The following HMGCS1 variants were observed in gnomAD, a reference collection of about 807,000 sequenced individuals.
HMGCS1 encodes the protein hydroxymethylglutaryl-CoA synthase, cytoplasmic.
HMGCS1 carries 9 observed loss-of-function variants against 52.3 expected under a neutral mutation model. The observed-to-expected ratio is 0.17, with a 90% confidence interval of 0.10 to 0.30. HMGCS1 has a LOEUF of 0.30. Ranked by LOEUF, HMGCS1 falls within the 10% of genes least tolerant of loss-of-function variation. HMGCS1 has a pLI of 1.00. For synonymous variants in HMGCS1, 176 were observed against 214.4 expected, an observed-to-expected ratio of 0.82 and a Z score of 1.57; for missense variants, 320 against 620.9, an observed-to-expected ratio of 0.52 and a Z score of 5.15.
At position 43,287,922 on chromosome 5, in the gene HMGCS1, G is replaced by C. The variant is rs972821531; in HGVS notation, c.*3209C>G. 1 of 152,266 alleles carries C rather than the reference G, an allele frequency of 6.6e-6. No individual in the cohort carries two copies. The highest frequency in any genetic ancestry group is 2.4e-5 in the African/African-American group (1 of 41,448). The allele number at this position is 152,266 out of a possible 1,614,324, so 9.4% of individuals were successfully genotyped here. A position where few individuals can be genotyped will look rare whatever the true frequency, so the allele number is the denominator to read the frequency against. On this transcript the variant is annotated 3_prime_UTR_variant, in exon 11 of 11. Transcript: ENST00000325110. ...CAGGGCAGAGAAGATCTGAAGTGGG[G>C]CCCAACATTTCTGATGCGTAGATCA...
chr5:43,307,102 ACT>A, intron 2 of HMGCS1, among the ~76,000 whole-genome samples: 1 of 123,870 alleles, frequency 8.1e-6, no homozygotes, highest in East Asian at 2.2e-4. Context: ...ACAGAGTCCC[ACT>A]CTGTTGCCCA....
Position 43,294,845 on chromosome 5 carries a change from C to G in HMGCS1, c.922G>C (p.Asp308His). 6.2e-7 allele frequency: 1 copy of G among 1,604,246 alleles called. No individual in the cohort carries two copies. Among genetic ancestry groups the G allele is most frequent in the South Asian group, 1.1e-5 (1 of 89,900 alleles). ...TCCACATCTCTATCAAAGTAGGTGTCTTCTAATTTAACATCCCTGAAAGAT... is the reference window on the plus strand; with the variant it reads ...TCCACATCTCTATCAAAGTAGGTGTGTTCTAATTTAACATCCCTGAAAGAT... ...LEAFGDVKLEDTYFDRDVEKA... is the reference protein window; with the variant it reads ...LEAFGDVKLEHTYFDRDVEKA... The change falls in exon 7 of 11, where the codon GAC (aspartate) becomes CAC (histidine). Residue 308 changes from aspartate (D) to histidine (H), a missense_variant. Transcript: ENST00000325110.
intron 1 of HMGCS1, among the ~76,000 whole-genome samples, chr5:43,308,557 C>T (rs895633487): frequency 1.3e-5 from 2 of 152,268 alleles, no homozygotes; most frequent in African/African-American, 4.8e-5. Flanking sequence ...AAAAATTAAG[C>T]ATTTAGACAA....
At chr5:43,294,512 G>A in intron 7 of HMGCS1, 179 bp downstream of exon 7, 1 of 510,352 alleles carries the variant, frequency 2.0e-6, no homozygotes, top group Non-Finnish European at 3.4e-6. Flanking sequence ...AAATACTTCT[G>A]GAAGAACTGT....
rs767139292 is a variant in HMGCS1, at chr5:43,291,126, G to A, written c.*5C>T. The A allele has an allele frequency of 7.6e-7, 1 of 1,315,066 alleles. No homozygotes were observed. Among genetic ancestry groups the A allele is most frequent in the South Asian group, 1.2e-5 (1 of 85,816 alleles). 81.5% of individuals were successfully genotyped at this position (1,315,066 alleles called of 1,614,324 possible). On this transcript the variant is annotated 3_prime_UTR_variant, in exon 11 of 11. Coordinates refer to ENST00000325110, the MANE Select transcript of HMGCS1 (RefSeq NM_001098272.3). ...ACCCTGAAGTCTTGCACCTCACAGA[G>A]TATCTTAATGTTCCCCATTACTAAT...
At chr5:43,304,014 AT>A (rs1245852388) in intron 2 of HMGCS1, among the ~76,000 whole-genome samples, 2 of 152,196 alleles carry the variant, frequency 1.3e-5, no homozygotes, top group Non-Finnish European at 2.9e-5. Context: ...CTCCCCATCA[AT>A]TTTTTGATAA....
Position 43,297,989 on chromosome 5 carries a change from A to C in HMGCS1, c.574+20T>G. The C allele has an allele frequency of 6.2e-7, 1 of 1,605,320 alleles. No individual in the cohort carries two copies. The highest frequency in any genetic ancestry group is 8.5e-7 in the Non-Finnish European group (1 of 1,177,652). ...GCATATTGTGCTAAAAAAAACAAAA[A>C]TGCTTTCCCAAGCACTTACCTCGTT... is the stretch of plus-strand genomic sequence containing the variant. On this transcript the variant is annotated intron_variant, in intron 4 of 10. Transcript: ENST00000325110.
chr5:43,307,308 G>A (rs1754627442), intron 2 of HMGCS1, among the ~76,000 whole-genome samples: 1 of 151,912 alleles, frequency 6.6e-6, no homozygotes, highest in South Asian at 2.1e-4. Context: ...CCTGACCTCA[G>A]GTGATCCACC....
chr5:43,294,418 C>T (rs1288679865), intron 7 of HMGCS1: 1 of 516,688 alleles, frequency 1.9e-6, no homozygotes, highest in Non-Finnish European at 3.4e-6. Flanking sequence ...GTTACTTCAT[C>T]AACCAGGTAT....
chr5:43,299,445 C>T (rs922739098), intron 2 of HMGCS1, among the ~76,000 whole-genome samples: 3 of 151,218 alleles, frequency 2.0e-5, no homozygotes, highest in Middle Eastern at 3.2e-3. Flanking sequence ...GTCAGGAGAT[C>T]GAGACCATCC....
At chr5:43,292,381 C>CTAACTATGAA in intron 10 of HMGCS1, 93 bp downstream of exon 10, 1 of 896,464 alleles carries the variant, frequency 1.1e-6, no homozygotes, top group Non-Finnish European at 1.7e-6. Context: ...TCCCAGAGCC[C>CTAACTATGAA]TTACTCTTCT....
chr5:43,308,720 C>A (rs1391646060), intron 1 of HMGCS1, among the ~76,000 whole-genome samples: 1 of 152,190 alleles, frequency 6.6e-6, no homozygotes, highest in Non-Finnish European at 1.5e-5. Flanking sequence ...CCTCTGCTCT[C>A]TATTTAATTA....
rs1338232381 is a variant in HMGCS1, at chr5:43,290,502, A to G, written c.*629T>C. The G allele has an allele frequency of 6.6e-6, 1 of 152,234 alleles. No individual in the cohort carries two copies. Among genetic ancestry groups the G allele is most frequent in the Non-Finnish European group, 1.5e-5 (1 of 68,060 alleles). 9.4% of individuals were successfully genotyped at this position (152,234 alleles called of 1,614,324 possible). On this transcript the variant is annotated 3_prime_UTR_variant, in exon 11 of 11. Coordinates refer to ENST00000325110, the MANE Select transcript of HMGCS1 (RefSeq NM_001098272.3). ...ATAACTTTTGTCACTGCTGGCCTGG[A>G]CTTAACATTCCAGATTCCAGAGCCA...
rs753689858 is a variant in HMGCS1 at position 43,288,036 on chromosome 5, G to A, written c.*3095C>T. 2 of 152,182 alleles carry A rather than the reference G, an allele frequency of 1.3e-5. No individual in the cohort carries two copies. Among genetic ancestry groups the A allele is most frequent in the Non-Finnish European group, 2.9e-5 (2 of 68,060 alleles). The allele number at this position is 152,182 out of a possible 1,614,324, so 9.4% of individuals were successfully genotyped here. On this transcript the variant is annotated 3_prime_UTR_variant, in exon 11 of 11. Coordinates refer to ENST00000325110, the MANE Select transcript of HMGCS1 (RefSeq NM_001098272.3). ...AGACATACTAAGCCTTGGTGAGTATGGTACTGAGTTGAAGCAGGAAGAGAT... is the reference window on the plus strand; with the variant it reads ...AGACATACTAAGCCTTGGTGAGTATAGTACTGAGTTGAAGCAGGAAGAGAT...
rs578194878 is a variant in HMGCS1, at chr5:43,294,179, A to C, written c.1077-17T>G. 4.2e-5 allele frequency: 62 copies of C among 1,486,230 alleles called. 2 individuals are homozygous for C. In the Admixed American group the frequency reaches 1.0e-3, roughly 24 times the overall value. 92.1% of individuals were successfully genotyped at this position (1,486,230 alleles called of 1,614,324 possible). ...GGTGAGTACCTATGTAGGGTGTAAC[A>C]ATAGTTCAGAAGTTTAACTGATCCA... On this transcript the variant is annotated splice_polypyrimidine_tract_variant and intron_variant, in intron 7 of 10. Coordinates refer to ENST00000325110, the MANE Select transcript of HMGCS1 (RefSeq NM_001098272.3).
intron 1 of HMGCS1, among the ~76,000 whole-genome samples, chr5:43,310,180 A>G (rs771540031): frequency 6.6e-6 from 1 of 152,234 alleles, no homozygotes; most frequent in Non-Finnish European, 1.5e-5. Flanking sequence ...ACACTCTGGT[A>G]TAGTTCTCCA....
In HMGCS1 at chr5:43,298,732, C is replaced by T; in HGVS notation, c.234G>A (p.Glu78=). 1 of 1,614,192 alleles carries T rather than the reference C, an allele frequency of 6.2e-7. No individual in the cohort carries two copies. The highest frequency in any genetic ancestry group is 8.5e-7 in the Non-Finnish European group (1 of 1,180,024). Residue 78 remains glutamate (E), a synonymous_variant, in exon 3 of 11, where the codon GAG becomes GAA. Transcript: ENST00000325110. This position sits in a 1 kb window ranked among gnomAD's most constrained non-coding sequence, Gnocchi z 5.6. ...TGCAATCATAGGAAAGGTTATTTCT[C>T]TCCATAAGATTCTGAACCACAGTCA... ...LCMTVVQNLM[E]RNNLSYDCIG...
chr5:43,302,511 C>A (rs1754370357), intron 2 of HMGCS1, among the ~76,000 whole-genome samples: 1 of 152,208 alleles, frequency 6.6e-6, no homozygotes, highest in African/African-American at 2.4e-5. Flanking sequence ...CAATTAAAGT[C>A]ACTTTTTTGG....
chr5:43,309,260 G>A (rs1754736104), intron 1 of HMGCS1, among the ~76,000 whole-genome samples: 1 of 147,340 alleles, frequency 6.8e-6, no homozygotes. Flanking sequence ...TTTTGAGACA[G>A]GGTCTCCCTC....
Sources: allele counts gnomAD v4.1 joint callset (sites outside exome capture counted in the v4.1 genomes callset), GRCh38; gene constraint gnomAD v4.1.1; non-coding constraint Gnocchi (gnomAD v3.1); transcripts MANE v1.5; gene names NCBI Gene and HGNC (gene_info 2026-07-23, HGNC 2026-07-21).